The following ADGRG6 variants were observed in gnomAD, a reference collection of about 807,000 sequenced individuals.
The protein encoded by ADGRG6 is G-protein coupled receptor 126.
A neutral mutation model predicts 142.4 loss-of-function variants in ADGRG6; 84 were observed. That is an observed-to-expected ratio of 0.59 (90% CI 0.49 to 0.71). The LOEUF is 0.71. Ranked by LOEUF, ADGRG6 falls within the 30% of genes least tolerant of loss-of-function variation. ADGRG6 has a pLI of 0.00. For synonymous variants in ADGRG6, 521 were observed against 520.5 expected, an observed-to-expected ratio of 1.00 and a Z score of -0.01; for missense variants, 1,367 against 1,466.6, an observed-to-expected ratio of 0.93 and a Z score of 1.11.
chr6:142,403,334 CCTTCT>C (rs1269130252), intron 13 of ADGRG6, among the ~76,000 whole-genome samples: 1 of 151,938 alleles, frequency 6.6e-6, no homozygotes, highest in African/African-American at 2.4e-5. Flanking sequence ...TTTTCTATTT[CCTTCT>C]CTTCTACATT....
intron 2 of ADGRG6, among the ~76,000 whole-genome samples, chr6:142,338,013 C>CTTTTTTT: frequency 3.8e-5 from 1 of 26,042 alleles, no homozygotes; most frequent in Non-Finnish European, 6.9e-5. Context: ...TGCCTTGTAT[C>CTTTTTTT]TTTGTTTTTT....
intron 2 of ADGRG6, among the ~76,000 whole-genome samples, chr6:142,318,244 A>ATTATATATATT (rs1778306589): frequency 2.0e-5 from 1 of 50,644 alleles, no homozygotes; most frequent in Non-Finnish European, 3.3e-5. Context: ...ATATATATTT[A>ATTATATATATT]TATATTATAT....
At chr6:142,404,544 T>C (rs542463716) in intron 14 of ADGRG6, among the ~76,000 whole-genome samples, 45 of 152,110 alleles carry the variant, frequency 3.0e-4, no homozygotes, top group African/African-American at 1.1e-3. Context: ...TTCAGGAGGC[T>C]GAGGCACGAG....
In ADGRG6 at chr6:142,400,524, G is replaced by A. The variant is rs2115011015; in HGVS notation, c.1607G>A (p.Trp536Ter). The A allele has an allele frequency of 1.2e-6, 2 of 1,603,340 alleles. No individual in the cohort carries two copies. The highest frequency in any genetic ancestry group is 1.7e-6 in the Non-Finnish European group (2 of 1,170,684). Residue 536 changes from tryptophan to a stop codon, truncating the protein, a stop_gained, in exon 11 of 25, where the codon TGG becomes TAG. Coordinates refer to ENST00000367609, the MANE Select transcript of ADGRG6 (RefSeq NM_198569.3). LOFTEE classifies it high-confidence loss of function. ...ATGGAGGAACCCAAAGGCTACTACT[G>A]GCCATCTATCCAACCTTCTGAATAC... The part of the protein sequence containing the change: ...LAMEEPKGYY[W>*]PSIQPSEYVL...
intron 22 of ADGRG6, among the ~76,000 whole-genome samples, chr6:142,421,752 G>A (rs1776663087): frequency 6.6e-6 from 1 of 152,072 alleles, no homozygotes. Context: ...CTGTCAGGAG[G>A]GAAAAATGTT....
At position 142,421,044 on chromosome 6, in the gene ADGRG6, T is replaced by G. The variant is rs143900155; in HGVS notation, c.3319+940T>G. On this transcript the variant is annotated intron_variant, in intron 22 of 24. Coordinates refer to ENST00000367609, the MANE Select transcript of ADGRG6 (RefSeq NM_198569.3). The stretch of plus-strand genomic sequence containing the variant: ...ATTGCTGAATATATCTGAGCTGGGG[T>G]GGAAAGCAGATTTGTATTACTCACC... Among the ~76,000 whole-genome samples the G allele has an allele frequency of 2.4e-3, 360 of 152,240 alleles. 3 individuals carry two copies. The highest frequency in any genetic ancestry group is 8.5e-3 in the African/African-American group (354 of 41,566).
intron 2 of ADGRG6, among the ~76,000 whole-genome samples, chr6:142,349,838 AT>A (rs890526051): frequency 6.6e-6 from 1 of 152,010 alleles, no homozygotes; most frequent in African/African-American, 2.4e-5. Flanking sequence ...TAAAAAGCTC[AT>A]TTTTTTTCAT....
At chr6:142,410,889 G>A (rs1776047016) in intron 17 of ADGRG6, among the ~76,000 whole-genome samples, 1 of 152,028 alleles carries the variant, frequency 6.6e-6, no homozygotes, top group Non-Finnish European at 1.5e-5. Context: ...TACATAAATG[G>A]CACATTCTAA....
chr6:142,380,034 G>T (rs1169786673), intron 4 of ADGRG6, among the ~76,000 whole-genome samples: 1 of 152,154 alleles, frequency 6.6e-6, no homozygotes, highest in East Asian at 1.9e-4. Flanking sequence ...GTAGTGGGGA[G>T]AGGGCTTCCA....
intron 4 of ADGRG6, among the ~76,000 whole-genome samples, chr6:142,375,777 G>T (rs1046345518): frequency 1.3e-5 from 2 of 152,028 alleles, no homozygotes; most frequent in Admixed American, 1.3e-4. Flanking sequence ...TTTTGCAAAG[G>T]TATATTGCTA....
Position 142,403,893 on chromosome 6 carries a change from G to A in ADGRG6, c.2047G>A (p.Val683Ile), listed in dbSNP as rs369110407. 51 of 1,607,650 alleles carry A rather than the reference G, an allele frequency of 3.2e-5. 1 individual carries two copies. The highest frequency in any genetic ancestry group is 1.1e-4 in the African/African-American group (8 of 74,898). ...TACAACTCGGAACTTGGCTCTCAGC[G>A]TATCATCCCTGTTACCAGGGACAAA... is the stretch of plus-strand genomic sequence containing the variant. ...NITTRNLALS[V>I]SSLLPGTNAI... is the part of the protein sequence containing the mutation. The change falls in exon 14 of 25, where the codon GTA becomes ATA. Residue 683 changes from valine (V) to isoleucine (I), a missense_variant. Val to Ile is a conservative substitution (Grantham distance 29, BLOSUM62 3). Coordinates refer to ENST00000367609, the MANE Select transcript of ADGRG6 (RefSeq NM_198569.3).
At chr6:142,398,421 T>A (rs549952423) in intron 10 of ADGRG6, among the ~76,000 whole-genome samples, 2 of 152,082 alleles carry the variant, frequency 1.3e-5, no homozygotes, top group Non-Finnish European at 2.9e-5. Context: ...TGAGACCCTG[T>A]CTCAAAAAAA....
chr6:142,325,933 T>C (rs1377187642), intron 2 of ADGRG6, among the ~76,000 whole-genome samples: 1 of 152,010 alleles, frequency 6.6e-6, no homozygotes, highest in East Asian at 1.9e-4. Context: ...CATGAAGATA[T>C]TCATTTAAAA....
chr6:142,341,477 GTATATATACTATATAA>G (rs1448475788), intron 2 of ADGRG6, among the ~76,000 whole-genome samples: 1 of 107,610 alleles, frequency 9.3e-6, no homozygotes, highest in African/African-American at 3.8e-5. Context: ...ATATTATGTA[GTATATATACTATATAA>G]TATTATATAG....
intron 8 of ADGRG6, among the ~76,000 whole-genome samples, chr6:142,393,327 C>T (rs1363977055): frequency 3.9e-5 from 6 of 152,076 alleles, no homozygotes; most frequent in African/African-American, 1.4e-4. Context: ...ACCTAGAGCA[C>T]CCCCTGGTTG....
chr6:142,383,841 A>G lies in ADGRG6; in HGVS notation c.1220A>G (p.Asn407Ser), dbSNP rs767544205. The G allele has an allele frequency of 2.7e-6, 4 of 1,466,024 alleles. No individual in the cohort carries two copies. Among genetic ancestry groups the G allele is most frequent in the Non-Finnish European group, 3.8e-6 (4 of 1,046,562 alleles). The allele number at this position is 1,466,024 out of a possible 1,614,324, so 90.8% of individuals were successfully genotyped here. ...ACTAACAGAATCGATAAACAAAGGA[A>G]TGGTAAGAAATCATTACCTTTTATA... ...PVTNRIDKQRNDGIIYRISVV... is the reference protein window; with the variant it reads ...PVTNRIDKQRSDGIIYRISVV... Residue 407 changes from asparagine to serine, a missense_variant and splice_region_variant, in exon 6 of 25, where the codon AAT becomes AGT. Physicochemically the swap from Asn to Ser is conservative, Grantham distance 46. This residue lies in a region of ADGRG6 where 737 missense variants were observed against 746.5 expected (regional missense o/e 0.99). Transcript: ENST00000367609.
intron 2 of ADGRG6, among the ~76,000 whole-genome samples, chr6:142,310,487 T>A (rs1418418990): frequency 6.6e-6 from 1 of 151,718 alleles, no homozygotes; most frequent in Non-Finnish European, 1.5e-5. Context: ...TATGTATTTA[T>A]TACTTGGAAT....
At chr6:142,413,981 A>G (rs1485897167) in intron 18 of ADGRG6, among the ~76,000 whole-genome samples, 4 of 151,680 alleles carry the variant, frequency 2.6e-5, no homozygotes, top group Admixed American at 2.6e-4. Flanking sequence ...TGGCATTTTG[A>G]TGACAGTTAA....
intron 10 of ADGRG6, among the ~76,000 whole-genome samples, chr6:142,399,801 G>C (rs116511726): frequency 0.017 from 2,545 of 152,252 alleles, 78 homozygotes; most frequent in African/African-American, 0.057. Context: ...CTAATGCTCA[G>C]TACTGAAATA....
Sources: allele counts gnomAD v4.1 joint callset (sites outside exome capture counted in the v4.1 genomes callset), GRCh38; gene constraint gnomAD v4.1.1; regional missense constraint gnomAD v4.1.1; transcripts MANE v1.5; gene names NCBI Gene and HGNC (gene_info 2026-07-23, HGNC 2026-07-21).